Variants in EIF3A observed in about 807,000 individuals in gnomAD.
EIF3A encodes the protein EIF3, p180 subunit.
EIF3A carries 21 observed loss-of-function variants against 186.6 expected under a neutral mutation model. That is an observed-to-expected ratio of 0.11 (90% CI 0.08 to 0.16). The LOEUF is 0.16. EIF3A is among the 10% of genes least tolerant of loss of function. EIF3A has a pLI of 1.00. For synonymous variants in EIF3A, 563 were observed against 584.3 expected (o/e 0.96, Z 0.52); for missense variants, 1,306 against 1,796.3 (o/e 0.73, Z 4.93).
chr10:119,060,836 A>G lies in EIF3A; in HGVS notation c.1236T>C (p.Asn412=). The G allele has an allele frequency of 6.2e-7, 1 of 1,604,342 alleles. No homozygotes were observed. The highest frequency in any genetic ancestry group is 8.5e-7 in the Non-Finnish European group (1 of 1,175,206). ...CCTTTTCAGGTTGTTCCCTAACCCA[A>G]TTTAGAACCTATAAAATCCATTAAA... The part of the protein sequence containing the change: ...KLCERVTKVL[N]WVREQPEKEP... Residue 412 remains asparagine (N), a synonymous_variant, in exon 9 of 22, where the codon AAT becomes AAC. Transcript: ENST00000369144.
chr10:119,053,591 G>T (rs1431008780), intron 14 of EIF3A, among the ~76,000 whole-genome samples: 2 of 151,510 alleles, frequency 1.3e-5, no homozygotes, highest in Non-Finnish European at 2.9e-5. Flanking sequence ...TAGGCATGGT[G>T]GTGCATGCCT....
At chr10:119,050,780 C>A in intron 15 of EIF3A, 106 bp from the exon 16 acceptor site, 1 of 1,234,544 alleles carries the variant, frequency 8.1e-7, no homozygotes, top group South Asian at 1.4e-5. Context: ...GTATCAGAAT[C>A]ATCGAAAGCA....
intron 7 of EIF3A, 71 bp from the exon 8 acceptor site, chr10:119,061,399 A>G: frequency 3.0e-6 from 2 of 665,658 alleles, no homozygotes; most frequent in South Asian, 2.0e-5. Flanking sequence ...ACTTAGTATA[A>G]ATGATAGCAT....
intron 4 of EIF3A, among the ~76,000 whole-genome samples, chr10:119,071,634 TTA>T (rs1375638701): frequency 1.3e-5 from 2 of 152,174 alleles, no homozygotes; most frequent in Non-Finnish European, 2.9e-5. Flanking sequence ...TTAAAAATAG[TTA>T]TGTCTATTTT....
At position 119,044,234 on chromosome 10, in the gene EIF3A, T is replaced by G; in HGVS notation, c.2659-92A>C. 9 of 863,626 alleles carry G rather than the reference T, an allele frequency of 1.0e-5. No homozygotes were observed. The South Asian group carries it at 1.3e-4, about 13-fold the overall frequency. 53.5% of individuals were successfully genotyped at this position (863,626 alleles called of 1,614,324 possible). A position where few individuals can be genotyped will look rare whatever the true frequency, so the allele number is the denominator to read the frequency against. On this transcript the variant is annotated intron_variant, in intron 17 of 21. Coordinates refer to ENST00000369144, the MANE Select transcript of EIF3A (RefSeq NM_003750.4). ...ACCATTCAAATATTTTTTGTACTTA[T>G]AACAATATGAAGCCCTTAAATAAGC...
intron 7 of EIF3A, among the ~76,000 whole-genome samples, chr10:119,063,950 G>A (rs1375311150): frequency 3.9e-5 from 6 of 152,270 alleles, no homozygotes; most frequent in African/African-American, 1.2e-4. Flanking sequence ...GTAGTGGTGC[G>A]TGCCTGTAAT....
intron 1 of EIF3A, among the ~76,000 whole-genome samples, chr10:119,076,103 C>G (rs1844167615): frequency 6.7e-6 from 1 of 149,886 alleles, no homozygotes; most frequent in African/African-American, 2.4e-5. Context: ...CTTTGGGAGG[C>G]GGGTGGATCA....
At chr10:119,069,412 G>T in intron 6 of EIF3A, 34 bp downstream of exon 6, 1 of 1,056,376 alleles carries the variant, frequency 9.5e-7, no homozygotes, top group Non-Finnish European at 1.5e-6. Flanking sequence ...ATTTGTTACA[G>T]AATTTCAACA....
intron 19 of EIF3A, among the ~76,000 whole-genome samples, chr10:119,040,281 A>G (rs1214571329): frequency 6.6e-6 from 1 of 152,128 alleles, no homozygotes; most frequent in Non-Finnish European, 1.5e-5. Flanking sequence ...AGCAATGGGA[A>G]TGGAGAGGAG....
chr10:119,057,442 A>G (rs561083256), intron 12 of EIF3A, among the ~76,000 whole-genome samples: 2 of 152,298 alleles, frequency 1.3e-5, no homozygotes, highest in African/African-American at 4.8e-5. Flanking sequence ...ATTATGTAAA[A>G]TAGTGTACAA....
At position 119,054,787 on chromosome 10, in the gene EIF3A, C is replaced by T. The variant is rs182091268; in HGVS notation, c.2196+1953G>A. ...AACTTGATTAGTGCAAGAGGCCTAG[C>T]TTTCAACATGCCTTCCTCACTAAGC... On this transcript the variant is annotated intron_variant, in intron 14 of 21. Transcript: ENST00000369144. Among the ~76,000 whole-genome samples the T allele has an allele frequency of 2.7e-3, 412 of 152,002 alleles. 2 individuals carry two copies. The highest frequency in any genetic ancestry group is 9.6e-3 in the African/African-American group (397 of 41,500).
At position 119,038,442 on chromosome 10, in the gene EIF3A, GTT is replaced by G. The variant is rs751918428; in HGVS notation, c.3527-5_3527-4del. 2 of 1,591,146 alleles carry G rather than the reference GTT, an allele frequency of 1.3e-6. No homozygotes were observed. The highest frequency in any genetic ancestry group is 2.3e-5 in the South Asian group (2 of 85,774). ...TTTTTCTTTCTCTCTCCATCCACCT[GTT>G]TTTTTGAAAAAGCAAAACATTTTTA... On this transcript the variant is annotated splice_region_variant and splice_polypyrimidine_tract_variant and intron_variant, in intron 19 of 21. Transcript: ENST00000369144.
chr10:119,053,109 T>C (rs1375168517), intron 14 of EIF3A, among the ~76,000 whole-genome samples: 1 of 152,206 alleles, frequency 6.6e-6, no homozygotes, highest in Admixed American at 6.5e-5. Flanking sequence ...GAAAACTTTT[T>C]TTTTTGAGCA....
intron 19 of EIF3A, among the ~76,000 whole-genome samples, chr10:119,040,961 G>A (rs893687858): frequency 1.1e-4 from 16 of 140,500 alleles, no homozygotes; most frequent in African/African-American, 4.0e-4. Context: ...AGGGGAGATC[G>A]CGCCACTGCA....
chr10:119,048,113 T>C (rs1848305379), intron 17 of EIF3A, among the ~76,000 whole-genome samples: 1 of 148,808 alleles, frequency 6.7e-6, no homozygotes. Context: ...CACGGAAGAC[T>C]ACTAACGCGT....
intron 4 of EIF3A, among the ~76,000 whole-genome samples, chr10:119,072,593 C>T (rs1211316974): frequency 2.0e-5 from 3 of 152,116 alleles, no homozygotes; most frequent in African/African-American, 7.2e-5. Flanking sequence ...GTTGGGATTA[C>T]AGGCATACAC....
intron 4 of EIF3A, among the ~76,000 whole-genome samples, chr10:119,071,974 G>A (rs541074578): frequency 2.3e-5 from 3 of 127,662 alleles, no homozygotes; most frequent in South Asian, 2.6e-4. Flanking sequence ...GTAGTGAGCC[G>A]AGATTGCGCC....
At chr10:119,043,288 G>A (rs1215663595) in intron 18 of EIF3A, among the ~76,000 whole-genome samples, 1 of 152,020 alleles carries the variant, frequency 6.6e-6, no homozygotes, top group Non-Finnish European at 1.5e-5. Flanking sequence ...GCGTGGTGGT[G>A]CATGTCTGTA....
chr10:119,079,070 C>T lies in EIF3A; in HGVS notation c.49+1558G>A, dbSNP rs151076551. Among the ~76,000 whole-genome samples, 1,497 of 152,184 alleles carry T rather than the reference C, an allele frequency of 9.8e-3. 23 individuals carry two copies. The highest frequency in any genetic ancestry group is 0.035 in the African/African-American group (1,436 of 41,456). On this transcript the variant is annotated intron_variant, in intron 1 of 21. Coordinates refer to ENST00000369144, the MANE Select transcript of EIF3A (RefSeq NM_003750.4). Reference sequence around the variant, plus strand: ...CTACAAATTCTAACTTTCGAAACGACGAAAAGTCATAAACTTTGCTACAGT... The same window carrying T: ...CTACAAATTCTAACTTTCGAAACGATGAAAAGTCATAAACTTTGCTACAGT...
Sources: allele counts gnomAD v4.1 joint callset (sites outside exome capture counted in the v4.1 genomes callset), GRCh38; gene constraint gnomAD v4.1.1; transcripts MANE v1.5; gene names NCBI Gene and HGNC (gene_info 2026-07-23, HGNC 2026-07-21).